The following DNAJB5 variants were observed in gnomAD, a reference collection of about 807,000 sequenced individuals.
DNAJB5 encodes DnaJ heat shock protein family (Hsp40) member B5, also known as dnaJ homolog subfamily B member 5.
In DNAJB5, 12 loss-of-function variants were observed where a neutral mutation model predicts 32.6. The observed-to-expected ratio is 0.37, with a 90% CI of 0.24 to 0.60. The LOEUF (loss-of-function observed/expected upper bound fraction) is 0.60, where lower values mean the gene tolerates loss of function less well. Among genes scored for constraint, DNAJB5 ranks in the 20% least tolerant of loss-of-function variants. DNAJB5 has a pLI of 0.71. For missense variants in DNAJB5, 358 were observed against 554.2 expected (o/e 0.65, Z 3.55); for synonymous variants, 188 against 212.9 (o/e 0.88, Z 1.02).
chr9:34,989,997 G>A (rs1221915944), intron 1 of DNAJB5, among the ~76,000 whole-genome samples, 166 bp downstream of exon 1: 7 of 151,648 alleles, frequency 4.6e-5, no homozygotes, highest in Non-Finnish European at 8.8e-5. Context: ...CCAGGGCTTG[G>A]CTGTCACAGG....
Position 34,997,168 on chromosome 9 carries a change from G to A in DNAJB5, c.1172G>A (p.Gly391Glu). Residue 391 changes from glycine to glutamate, a missense_variant, in exon 5 of 5, where the codon GGA becomes GAA. Coordinates refer to ENST00000682809, the MANE Select transcript of DNAJB5 (RefSeq NM_001349723.3). The surrounding 1 kb of genome is among the most constrained non-coding windows in gnomAD (Gnocchi z 4.1). ...TTCCCCAAAGTGCCAACTCAGCGAG[G>A]AGACCTCATTGTTGAGTTCAAAGTT... ...LPFPKVPTQR[G>E]DLIVEFKVRF... 1 of 1,614,166 alleles carries A rather than the reference G, an allele frequency of 6.2e-7. No individual in the cohort carries two copies.
Position 34,990,399 on chromosome 9 carries a change from C to T in DNAJB5, c.-132-100C>T, listed in dbSNP as rs1315599000. 3 of 1,526,570 alleles carry T rather than the reference C, an allele frequency of 2.0e-6. No homozygotes were observed. The African/African-American group carries it at 4.1e-5, about 21-fold the overall frequency. 94.6% of individuals were successfully genotyped at this position (1,526,570 alleles called of 1,614,324 possible). ...ACGCTTGCACTCCCAGCCTCACTGA[C>T]ACGCTGCCATACAGCCGCTCACAGC... On this transcript the variant is annotated intron_variant, in intron 1 of 4. Transcript: ENST00000682809. The surrounding 1 kb of genome is among the most constrained non-coding windows in gnomAD (Gnocchi z 4.5).
intron 1 of DNAJB5, 107 bp downstream of exon 1, chr9:34,989,938 C>T: frequency 1.6e-6 from 2 of 1,251,098 alleles, no homozygotes; most frequent in Non-Finnish European, 2.0e-6. Flanking sequence ...GGCTCTGCTG[C>T]CTTGGGGATG....
intron 2 of DNAJB5, chr9:34,992,241 T>G (rs1464972547): frequency 1.3e-5 from 2 of 152,166 alleles, no homozygotes; most frequent in Non-Finnish European, 2.9e-5. Context: ...GCACCCACCT[T>G]AAAAGGGACT....
Position 34,990,170 on chromosome 9 carries a change from T to C in DNAJB5, c.-132-329T>C. 1 of 575,102 alleles carries C rather than the reference T, an allele frequency of 1.7e-6. No homozygotes were observed. The highest frequency in any genetic ancestry group is 2.7e-6 in the Non-Finnish European group (1 of 367,336). 35.6% of individuals were successfully genotyped at this position (575,102 alleles called of 1,614,324 possible). On this transcript the variant is annotated intron_variant, in intron 1 of 4. Coordinates refer to ENST00000682809, the MANE Select transcript of DNAJB5 (RefSeq NM_001349723.3). The surrounding 1 kb of genome is among the most constrained non-coding windows in gnomAD (Gnocchi z 4.5). Reference sequence around the variant, plus strand: ...CCCGCCCGAGCCCCCTCCCCTCCTCTCCTCGCCGCGCCTTTTGTCCCGGCC... The same window carrying C: ...CCCGCCCGAGCCCCCTCCCCTCCTCCCCTCGCCGCGCCTTTTGTCCCGGCC...
chr9:34,997,334 T>G lies in DNAJB5; in HGVS notation c.*75T>G, dbSNP rs1384257296. The G allele has an allele frequency of 2.8e-6, 4 of 1,453,908 alleles. No individual in the cohort carries two copies. Among genetic ancestry groups the G allele is most frequent in the Non-Finnish European group, 2.9e-6 (3 of 1,035,068 alleles). 90.1% of individuals were successfully genotyped at this position (1,453,908 alleles called of 1,614,324 possible). A position where few individuals can be genotyped will look rare whatever the true frequency, so the allele number is the denominator to read the frequency against. On this transcript the variant is annotated 3_prime_UTR_variant, in exon 5 of 5. Coordinates refer to ENST00000682809, the MANE Select transcript of DNAJB5 (RefSeq NM_001349723.3). The surrounding 1 kb of genome is among the most constrained non-coding windows in gnomAD (Gnocchi z 4.1). ...CACTCCACTCAATGTGCACCCAGCTTGATGTCCACTGGACACTGGCAACTT... is the reference window on the plus strand; with the variant it reads ...CACTCCACTCAATGTGCACCCAGCTGGATGTCCACTGGACACTGGCAACTT...
chr9:34,990,859 C>T lies in DNAJB5; in HGVS notation c.182+47C>T, dbSNP rs1304305410. 1 of 1,509,312 alleles carries T rather than the reference C, an allele frequency of 6.6e-7. No homozygotes were observed. The highest frequency in any genetic ancestry group is 1.3e-5 in the South Asian group (1 of 76,688). 93.5% of individuals were successfully genotyped at this position (1,509,312 alleles called of 1,614,324 possible). On this transcript the variant is annotated intron_variant, in intron 2 of 4. Transcript: ENST00000682809. This position sits in a 1 kb window ranked among gnomAD's most constrained non-coding sequence, Gnocchi z 4.5. ...CACTCACACCCATACCCAGTCAAAC[C>T]CTCCACGCGGCCATCCCCTCCATTG... is the stretch of plus-strand genomic sequence containing the variant.
Position 34,990,305 on chromosome 9 carries a change from G to A in DNAJB5, c.-132-194G>A, listed in dbSNP as rs1321644057. ...GGTCCTCCCCAGTGAGAGGCGACAG[G>A]AGCTCACTGCCTCTCGGGCCCTCAC... is the stretch of plus-strand genomic sequence containing the variant. On this transcript the variant is annotated intron_variant, in intron 1 of 4. Coordinates refer to ENST00000682809, the MANE Select transcript of DNAJB5 (RefSeq NM_001349723.3). The surrounding 1 kb of genome is among the most constrained non-coding windows in gnomAD (Gnocchi z 4.5). 2.1e-6 allele frequency: 3 copies of A among 1,430,674 alleles called. No individual in the cohort carries two copies. Among genetic ancestry groups the A allele is most frequent in the East Asian group, 3.2e-5 (1 of 31,692 alleles). 88.6% of individuals were successfully genotyped at this position (1,430,674 alleles called of 1,614,324 possible).
In DNAJB5 at chr9:34,997,805, A is replaced by G; in HGVS notation, c.*546A>G. 1 of 219,918 alleles carries G rather than the reference A, an allele frequency of 4.5e-6. No individual in the cohort carries two copies. The highest frequency in any genetic ancestry group is 1.1e-4 in the East Asian group (1 of 9,096). The allele number at this position is 219,918 out of a possible 1,614,324, so 13.6% of individuals were successfully genotyped here. ...TCTGGGAGAAAGGAGAGAGGATAAGAAGGGAAAGTTCACAACCTGTGAACA... is the reference window on the plus strand; with the variant it reads ...TCTGGGAGAAAGGAGAGAGGATAAGGAGGGAAAGTTCACAACCTGTGAACA... On this transcript the variant is annotated 3_prime_UTR_variant, in exon 5 of 5. Coordinates refer to ENST00000682809, the MANE Select transcript of DNAJB5 (RefSeq NM_001349723.3). The surrounding 1 kb of genome is among the most constrained non-coding windows in gnomAD (Gnocchi z 4.1).
Position 34,997,363 on chromosome 9 carries a change from C to A in DNAJB5, c.*104C>A. On this transcript the variant is annotated 3_prime_UTR_variant, in exon 5 of 5. Transcript: ENST00000682809. This position sits in a 1 kb window ranked among gnomAD's most constrained non-coding sequence, Gnocchi z 4.1. The stretch of plus-strand genomic sequence containing the variant: ...GTCCACTGGACACTGGCAACTTTTT[C>A]TAAAATGCAAAAAAAAGCCACTGGT... 2.3e-5 allele frequency: 28 copies of A among 1,244,434 alleles called. No homozygotes were observed. The highest frequency in any genetic ancestry group is 4.8e-5 in the East Asian group (2 of 41,936). 77.1% of individuals were successfully genotyped at this position (1,244,434 alleles called of 1,614,324 possible).
At chr9:34,989,907 T>G in intron 1 of DNAJB5, 76 bp downstream of exon 1, 1 of 1,242,254 alleles carries the variant, frequency 8.0e-7, no homozygotes, top group South Asian at 3.5e-5. Context: ...TGTTGGGGGG[T>G]TGGGACACTG....
In DNAJB5 at chr9:34,997,630, C is replaced by T. The variant is rs573659909; in HGVS notation, c.*371C>T. ...CCCTCAGCTTTGCTAATACCAGTCC[C>T]CTCCCTTCCCTTTGGCTTCCTGCTG... On this transcript the variant is annotated 3_prime_UTR_variant, in exon 5 of 5. Coordinates refer to ENST00000682809, the MANE Select transcript of DNAJB5 (RefSeq NM_001349723.3). The surrounding 1 kb of genome is among the most constrained non-coding windows in gnomAD (Gnocchi z 4.1). 71 of 370,360 alleles carry T rather than the reference C, an allele frequency of 1.9e-4. No individual in the cohort carries two copies. The East Asian group carries it at 4.8e-3, about 25-fold the overall frequency. The allele number at this position is 370,360 out of a possible 1,614,324, so 22.9% of individuals were successfully genotyped here. A position where few individuals can be genotyped will look rare whatever the true frequency, so the allele number is the denominator to read the frequency against.
In DNAJB5 at chr9:34,990,748, T is replaced by G. The variant is rs1461438345; in HGVS notation, c.118T>G (p.Phe40Val). ...AGAAGACTTCTTAGCCAGCTTGATG[T>G]TTAAAATTCAGCTGGAGCCCTTAAA... ...WGEDFLASLM[F>V]KIQLEPLKLR... Residue 40 changes from phenylalanine (F) to valine (V), a missense_variant, in exon 2 of 5, where the codon TTT becomes GTT. Physicochemically the swap from Phe to Val is conservative, Grantham distance 50. Around this residue, in one of 2 missense-constraint regions of DNAJB5, gnomAD observed 110 missense variants for 111.7 expected, o/e 0.99. Coordinates refer to ENST00000682809, the MANE Select transcript of DNAJB5 (RefSeq NM_001349723.3). This position sits in a 1 kb window ranked among gnomAD's most constrained non-coding sequence, Gnocchi z 4.5. 2.6e-6 allele frequency: 4 copies of G among 1,551,580 alleles called. No homozygotes were observed. Among genetic ancestry groups the G allele is most frequent in the Non-Finnish European group, 3.5e-6 (4 of 1,146,998 alleles).
Position 34,997,255 on chromosome 9 carries a change from C to G in DNAJB5, c.1259C>G (p.Ser420Cys), listed in dbSNP as rs1827825730. 1 of 1,614,138 alleles carries G rather than the reference C, an allele frequency of 6.2e-7. No individual in the cohort carries two copies. The highest frequency in any genetic ancestry group is 8.5e-7 in the Non-Finnish European group (1 of 1,179,992). Residue 420 changes from serine to cysteine, a missense_variant, in exon 5 of 5, where the codon TCC becomes TGC. Coordinates refer to ENST00000682809, the MANE Select transcript of DNAJB5 (RefSeq NM_001349723.3). The surrounding 1 kb of genome is among the most constrained non-coding windows in gnomAD (Gnocchi z 4.1). ...ATCCTTAAGCAGCACCTACCCTGTT[C>G]CTAGGCTCTGCCCCAGCCAGTCCAG... Reference protein sequence around the residue: ...RQILKQHLPCS With the variant: ...RQILKQHLPCC
At position 34,993,596 on chromosome 9, in the gene DNAJB5, AC is replaced by A; in HGVS notation, c.427+155del. ...TGTCACCCAGAGAAGAGAGAAGCCC[AC>A]CCACTACCCAGCTCAGCTCACCCTA... is the stretch of plus-strand genomic sequence containing the variant. On this transcript the variant is annotated intron_variant, in intron 3 of 4. Transcript: ENST00000682809. The surrounding 1 kb of genome is among the most constrained non-coding windows in gnomAD (Gnocchi z 4.7). 1 of 1,035,384 alleles carries A rather than the reference AC, an allele frequency of 9.7e-7. No homozygotes were observed. The highest frequency in any genetic ancestry group is 1.4e-6 in the Non-Finnish European group (1 of 732,242). The allele number at this position is 1,035,384 out of a possible 1,614,324, so 64.1% of individuals were successfully genotyped here.
rs1353490691 is a variant in DNAJB5, at chr9:34,990,918, T to G, written c.182+106T>G. 2 of 1,206,048 alleles carry G rather than the reference T, an allele frequency of 1.7e-6. No individual in the cohort carries two copies. Among genetic ancestry groups the G allele is most frequent in the African/African-American group, 3.1e-5 (2 of 65,296 alleles). 74.7% of individuals were successfully genotyped at this position (1,206,048 alleles called of 1,614,324 possible). A position where few individuals can be genotyped will look rare whatever the true frequency, so the allele number is the denominator to read the frequency against. On this transcript the variant is annotated intron_variant, in intron 2 of 4. Transcript: ENST00000682809. This position sits in a 1 kb window ranked among gnomAD's most constrained non-coding sequence, Gnocchi z 4.5. Reference sequence around the variant, plus strand: ...CTTCCTCCAACTCATCCTCATCCCCTCTGTGACATACAGGAACCCCCCTCC... The same window carrying G: ...CTTCCTCCAACTCATCCTCATCCCCGCTGTGACATACAGGAACCCCCCTCC...
chr9:34,996,993 C>A lies in DNAJB5; in HGVS notation c.1030-33C>A, dbSNP rs1311696362. The A allele has an allele frequency of 6.2e-6, 10 of 1,607,596 alleles. No homozygotes were observed. Among genetic ancestry groups the A allele is most frequent in the Admixed American group, 1.7e-5 (1 of 60,004 alleles). On this transcript the variant is annotated intron_variant, in intron 4 of 4. Transcript: ENST00000682809. This position sits in a 1 kb window ranked among gnomAD's most constrained non-coding sequence, Gnocchi z 7.2. The stretch of plus-strand genomic sequence containing the variant: ...CTTCCTTCCCACTCACCTTACCCCA[C>A]CTTTTCCTCACTTTCTGCTTCGTCT...
Position 34,990,078 on chromosome 9 carries a change from C to A in DNAJB5, c.-133+247C>A, listed in dbSNP as rs922085958. The A allele has an allele frequency of 1.8e-5, 13 of 715,932 alleles. No individual in the cohort carries two copies. The highest frequency in any genetic ancestry group is 2.9e-5 in the Non-Finnish European group (13 of 450,266). 44.3% of individuals were successfully genotyped at this position (715,932 alleles called of 1,614,324 possible). A position where few individuals can be genotyped will look rare whatever the true frequency, so the allele number is the denominator to read the frequency against. On this transcript the variant is annotated intron_variant, in intron 1 of 4. Coordinates refer to ENST00000682809, the MANE Select transcript of DNAJB5 (RefSeq NM_001349723.3). This position sits in a 1 kb window ranked among gnomAD's most constrained non-coding sequence, Gnocchi z 4.5. ...GAGTCGGACCGGACCAGATTGGGTT[C>A]TGTGGGGCGGAGGCATCTGTGAGCA...
downstream of DNAJB5, chr9:34,998,692 C>A (rs770859148): frequency 6.6e-6 from 1 of 152,054 alleles, no homozygotes; most frequent in Non-Finnish European, 1.5e-5. Flanking sequence ...GAGACAGAGA[C>A]CATTGTCTTC....
Sources: gnomAD v4.1 joint callset for allele counts (sites outside exome capture counted in the v4.1 genomes callset) on GRCh38, gnomAD v4.1.1 for gene constraint, gnomAD v4.1.1 regional missense constraint, Gnocchi (gnomAD v3.1) non-coding constraint, MANE v1.5 for transcripts, NCBI Gene and HGNC (gene_info 2026-07-23, HGNC 2026-07-21) for gene names.